The following CFAP47 variants were observed in gnomAD, a reference collection of about 807,000 sequenced individuals.
CFAP47 encodes cilia and flagella associated protein 47.
In CFAP47, 29 loss-of-function variants were observed where a neutral mutation model predicts 148.1. The observed-to-expected ratio is 0.20, with a 90% CI of 0.15 to 0.27. CFAP47 has a LOEUF of 0.27. CFAP47 is among the 10% of genes least tolerant of loss of function. The pLI is 1.00. For missense variants in CFAP47, 1,872 were observed against 1,697.5 expected, an observed-to-expected ratio of 1.10 and a Z score of -1.81; for synonymous variants, 664 against 577.3, an observed-to-expected ratio of 1.15 and a Z score of -2.15.
At chrX:36,376,270 T>C (rs1556022916) in intron 62 of CFAP47, among the ~76,000 whole-genome samples, 2 of 112,360 alleles carry the variant, frequency 1.8e-5, no homozygotes, top group Non-Finnish European at 3.8e-5. Flanking sequence ...TTATTTCTTT[T>C]TTCAGAAAGT....
At chrX:36,335,512 G>A (rs782153468) in intron 57 of CFAP47, among the ~76,000 whole-genome samples, 1 of 111,881 alleles carries the variant, frequency 8.9e-6, no homozygotes, top group East Asian at 2.8e-4. Flanking sequence ...TAATTTACCA[G>A]TGAAGCTATC....
In CFAP47 at chrX:36,046,743, A is replaced by G. The variant is rs1937471401; in HGVS notation, c.4008-111A>G. 5 of 478,922 alleles carry G rather than the reference A, an allele frequency of 1.0e-5. No individual in the cohort carries two copies. The East Asian group carries it at 1.5e-4, about 14-fold the overall frequency. 39.5% of individuals were successfully genotyped at this position (478,922 alleles called of 1,213,427 possible). A position where few individuals can be genotyped will look rare whatever the true frequency, so the allele number is the denominator to read the frequency against. On this transcript the variant is annotated intron_variant, in intron 25 of 63. Transcript: ENST00000378653. ...TTTAATAATTAGGCACATGATTACA[A>G]ATATTTCTTATTTTAATTTTCTTGA... is the stretch of plus-strand genomic sequence containing the variant.
chrX:36,120,766 T>G (rs1023486534), intron 33 of CFAP47, among the ~76,000 whole-genome samples: 1 of 111,207 alleles, frequency 9.0e-6, no homozygotes, highest in African/African-American at 3.3e-5. Flanking sequence ...GTTTGAAGGC[T>G]TTTTGTGCCC....
At chrX:36,085,640 AACACAC>A (rs200423976) in intron 30 of CFAP47, 102 bp downstream of exon 30, 16 of 329,553 alleles carry the variant, frequency 4.9e-5, no homozygotes, top group Non-Finnish European at 7.3e-5. Flanking sequence ...TTTCTAACCA[AACACAC>A]ACACACACAC....
chrX:36,247,773 T>C (rs1241431690), intron 48 of CFAP47, among the ~76,000 whole-genome samples: 2 of 111,157 alleles, frequency 1.8e-5, no homozygotes, highest in African/African-American at 6.5e-5. Context: ...ACATAAGATA[T>C]ATAGATAATA....
At chrX:36,095,137 T>C (rs1221830030) in intron 30 of CFAP47, among the ~76,000 whole-genome samples, 1 of 112,020 alleles carries the variant, frequency 8.9e-6, no homozygotes, top group African/African-American at 3.2e-5. Context: ...AATTATCATA[T>C]GATTTTTGTC....
intron 2 of CFAP47, among the ~76,000 whole-genome samples, chrX:35,934,304 C>T (rs1486144418): frequency 9.0e-6 from 1 of 111,259 alleles, no homozygotes; most frequent in African/African-American, 3.3e-5. Flanking sequence ...CCTTCCCTTT[C>T]CAGAGGCAGA....
At chrX:36,141,445 C>T (rs1036509252) in intron 35 of CFAP47, among the ~76,000 whole-genome samples, 1 of 111,308 alleles carries the variant, frequency 9.0e-6, no homozygotes, top group Admixed American at 9.6e-5. Context: ...TGTCCCAGCC[C>T]CAGCTGATTG....
intron 22 of CFAP47, among the ~76,000 whole-genome samples, chrX:36,028,433 G>T (rs910663278): frequency 2.7e-5 from 3 of 111,136 alleles, no homozygotes; most frequent in African/African-American, 9.8e-5. Context: ...TAGAAATTGT[G>T]TTGAATCTCT....
chrX:36,233,646 A>T (rs1555993245), intron 46 of CFAP47, among the ~76,000 whole-genome samples: 2 of 111,354 alleles, frequency 1.8e-5, no homozygotes, highest in Admixed American at 9.6e-5. Flanking sequence ...TGTGAATTTG[A>T]TCCTGTCATT....
chrX:36,318,507 T>C (rs6632568), intron 56 of CFAP47, among the ~76,000 whole-genome samples: 37,429 of 110,823 alleles, frequency 0.34, 7,498 homozygotes, highest in African/African-American at 0.76. Flanking sequence ...CACATATACT[T>C]TCATATATTT....
rs1345404619 is a variant in CFAP47 at position 36,159,535 on chromosome X, A to T, written c.5896A>T (p.Thr1966Ser). ...PKNAVRGITM[T>S]FALKGKVLDF... ...GAATGCAGTAAGAGGAATTACAATG[A>T]CTTTTGCTCTTAAAGGCAAAGTCCT... The change falls in exon 38 of 64, where the codon ACT (threonine) becomes TCT (serine). Residue 1966 changes from threonine (T) to serine (S), a missense_variant. Thr to Ser is a moderately conservative substitution (Grantham distance 58). Coordinates refer to ENST00000378653, the MANE Select transcript of CFAP47 (RefSeq NM_001304548.2). The T allele has an allele frequency of 1.0e-5, 3 of 296,422 alleles. No homozygotes were observed. The highest frequency in any genetic ancestry group is 5.5e-5 in the African/African-American group (2 of 36,557). The allele number at this position is 296,422 out of a possible 1,213,427, so 24.4% of individuals were successfully genotyped here.
chrX:36,224,782 G>C (rs782018005), intron 45 of CFAP47, among the ~76,000 whole-genome samples: 41 of 111,655 alleles, frequency 3.7e-4, no homozygotes, highest in Non-Finnish European at 7.4e-4. Context: ...AATGAGCTCA[G>C]GCCACAGAAT....
chrX:36,238,137 G>T (rs950969421), intron 48 of CFAP47, among the ~76,000 whole-genome samples: 3 of 110,357 alleles, frequency 2.7e-5, no homozygotes. Flanking sequence ...ATCTTGAATT[G>T]TAGCTCCCAT....
intron 42 of CFAP47, among the ~76,000 whole-genome samples, chrX:36,190,899 T>A (rs930809261): frequency 9.0e-6 from 1 of 111,539 alleles, no homozygotes; most frequent in Non-Finnish European, 1.9e-5. Context: ...GGAAGAAATT[T>A]ATAACCCCCA....
intron 31 of CFAP47, 120 bp downstream of exon 31, chrX:36,098,994 G>C (rs948051539): frequency 2.5e-5 from 8 of 319,051 alleles, no homozygotes; most frequent in Non-Finnish European, 3.9e-5. Context: ...ATATTATTAG[G>C]ATCATAATTT....
At chrX:36,188,776 G>A in intron 41 of CFAP47, 86 bp downstream of exon 41, 1 of 287,864 alleles carries the variant, frequency 3.5e-6, no homozygotes, top group Non-Finnish European at 6.1e-6. Flanking sequence ...ATTCAACAGG[G>A]ATGGTTACAA....
chrX:36,331,251 A>G (rs6632574), intron 57 of CFAP47, among the ~76,000 whole-genome samples: 30,713 of 110,410 alleles, frequency 0.28, 4,481 homozygotes, highest in African/African-American at 0.56. Context: ...TGTTATATTC[A>G]CTTGACTATT....
intron 22 of CFAP47, among the ~76,000 whole-genome samples, chrX:36,030,140 C>CT (rs1937264433): frequency 9.1e-6 from 1 of 110,333 alleles, no homozygotes; most frequent in Non-Finnish European, 1.9e-5. Context: ...TATTATATCA[C>CT]TGTCTGGCAA....
Sources: gnomAD v4.1 joint callset for allele counts (sites outside exome capture counted in the v4.1 genomes callset) on GRCh38, gnomAD v4.1.1 for gene constraint, MANE v1.5 for transcripts, NCBI Gene and HGNC (gene_info 2026-07-23, HGNC 2026-07-21) for gene names.